AKT2: variants seen among roughly 807,000 people sequenced by gnomAD.
AKT2 encodes the protein AKT serine/threonine kinase 2.
Under a neutral mutation model 58.6 loss-of-function variants are expected in AKT2, and 16 were observed. The ratio of observed to expected loss-of-function variants is 0.27; its 90% CI spans 0.18 to 0.41. The LOEUF is 0.41. AKT2 is among the 10% of genes least tolerant of loss of function. The pLI, the probability that AKT2 is intolerant of heterozygous loss-of-function variation, is 1.00. For missense variants in AKT2, 438 were observed against 661.0 expected (o/e 0.66, Z 3.70); for synonymous variants, 253 against 254.0 (o/e 1.00, Z 0.04).
chr19:40,264,050 G>A (rs905073217), intron 2 of AKT2, among the ~76,000 whole-genome samples: 5 of 152,068 alleles, frequency 3.3e-5, no homozygotes, highest in East Asian at 3.9e-4. Flanking sequence ...CCCTGTCAGC[G>A]CCCAAGATAC....
At position 40,271,135 on chromosome 19, in the gene AKT2, T is replaced by C. The variant is rs142104695; in HGVS notation, c.-84-5784A>G. On this transcript the variant is annotated intron_variant, in intron 1 of 13. Transcript: ENST00000392038. ...CAAGAGGATCCTCTGAACCCAGGAG[T>C]TTGAGACCAGCCTGAGCAACATGGT... Among the ~76,000 whole-genome samples, 1,376 of 147,744 alleles carry C rather than the reference T, an allele frequency of 9.3e-3. 22 individuals are homozygous for C. The highest frequency in any genetic ancestry group is 0.015 in the Non-Finnish European group (989 of 66,910).
At chr19:40,280,998 G>C (rs1184722717) in intron 1 of AKT2, among the ~76,000 whole-genome samples, 1 of 152,206 alleles carries the variant, frequency 6.6e-6, no homozygotes, top group South Asian at 2.1e-4. Context: ...TGCAACGCTG[G>C]CACATACGAG....
intron 2 of AKT2, among the ~76,000 whole-genome samples, chr19:40,259,291 A>C (rs1290361678): frequency 6.7e-6 from 1 of 148,556 alleles, no homozygotes; most frequent in Non-Finnish European, 1.5e-5. Context: ...CCCATAGGCA[A>C]TGTGCCCAGA....
intron 2 of AKT2, among the ~76,000 whole-genome samples, chr19:40,261,635 C>T (rs1040883895): frequency 1.3e-5 from 2 of 151,944 alleles, no homozygotes; most frequent in Non-Finnish European, 2.9e-5. Flanking sequence ...CCCTGAATCT[C>T]GGACTTCCCT....
At chr19:40,250,409 G>C (rs113394595) in intron 4 of AKT2, among the ~76,000 whole-genome samples, 1 of 152,010 alleles carries the variant, frequency 6.6e-6, no homozygotes, top group African/African-American at 2.4e-5. Flanking sequence ...AGGCTGAGGC[G>C]TGAGAATCAC....
chr19:40,284,907 G>C, intron 1 of AKT2: 1 of 286,462 alleles, frequency 3.5e-6, no homozygotes, highest in South Asian at 1.7e-4. Context: ...TCCAGCCCCC[G>C]GCCCGCGCAC....
chr19:40,282,804 A>G (rs140646312), intron 1 of AKT2: 54 of 302,294 alleles, frequency 1.8e-4, no homozygotes, highest in African/African-American at 1.1e-3. Context: ...AATACCATAT[A>G]AAGCCCAAAG....
chr19:40,239,986 T>A (rs773575865), intron 7 of AKT2, 59 bp downstream of exon 7: 27 of 1,574,316 alleles, frequency 1.7e-5, no homozygotes, highest in Non-Finnish European at 2.3e-5. Flanking sequence ...TAGGGCTCTC[T>A]CTCTGAGCTC....
chr19:40,242,055 G>A lies in AKT2; in HGVS notation c.456C>T (p.Phe152=), dbSNP rs748740340. The change falls in exon 6 of 14, where the codon TTC becomes TTT. Residue 152 remains phenylalanine (F), a synonymous_variant. Transcript: ENST00000392038. The surrounding 1 kb of genome is among the most constrained non-coding windows in gnomAD (Gnocchi z 4.3). ...CCTTGCCAAGGAGTTTGAGATAGTC[G>A]AAGTCATTCATGGTCTGCCAGGGAC... ...KARAKVTMND[F]DYLKLLGKGT... The A allele has an allele frequency of 1.1e-5, 17 of 1,614,124 alleles. No individual in the cohort carries two copies. The highest frequency in any genetic ancestry group is 4.5e-5 in the East Asian group (2 of 44,902).
rs1195327908 is a variant in AKT2 at position 40,242,287 on chromosome 19, G to A, written c.442-218C>T. 2 of 853,238 alleles carry A rather than the reference G, an allele frequency of 2.3e-6. No homozygotes were observed. Among genetic ancestry groups the A allele is most frequent in the Admixed American group, 2.2e-5 (1 of 44,520 alleles). 52.9% of individuals were successfully genotyped at this position (853,238 alleles called of 1,614,324 possible). A position where few individuals can be genotyped will look rare whatever the true frequency, so the allele number is the denominator to read the frequency against. On this transcript the variant is annotated intron_variant, in intron 5 of 13. Transcript: ENST00000392038. This position sits in a 1 kb window ranked among gnomAD's most constrained non-coding sequence, Gnocchi z 4.3. Reference sequence around the variant, plus strand: ...CTTGGGAGGGCTGGGCTCTGACGTGGGGGTAGCCAGGTCTTCACCAACTCC... The same window carrying A: ...CTTGGGAGGGCTGGGCTCTGACGTGAGGGTAGCCAGGTCTTCACCAACTCC...
At chr19:40,283,406 G>A (rs1433034565) in intron 1 of AKT2, among the ~76,000 whole-genome samples, 3 of 152,216 alleles carry the variant, frequency 2.0e-5, no homozygotes, top group African/African-American at 4.8e-5. Context: ...ACCCCTAGTG[G>A]AGAAAGATTC....
At chr19:40,276,345 C>CTTT (rs748551877) in intron 1 of AKT2, among the ~76,000 whole-genome samples, 2 of 58,510 alleles carry the variant, frequency 3.4e-5, no homozygotes, top group African/African-American at 1.2e-4. Context: ...AAAATGGAAT[C>CTTT]TTTTTTTTTT....
At chr19:40,268,790 G>C (rs549970453) in intron 1 of AKT2, 2 of 152,294 alleles carry the variant, frequency 1.3e-5, no homozygotes, top group African/African-American at 2.4e-5. Context: ...TGTCCGTGAC[G>C]CAGTCCTGTG....
At position 40,242,235 on chromosome 19, in the gene AKT2, T is replaced by G; in HGVS notation, c.442-166A>C. ...GCAACTGTGTGTTCTGAAGCGGCCT[T>G]CAGACCAGGCTCTGCAGGCACAGGG... On this transcript the variant is annotated intron_variant, in intron 5 of 13. Coordinates refer to ENST00000392038, the MANE Select transcript of AKT2 (RefSeq NM_001626.6). This position sits in a 1 kb window ranked among gnomAD's most constrained non-coding sequence, Gnocchi z 4.3. 9.3e-7 allele frequency: 1 copy of G among 1,073,560 alleles called. No individual in the cohort carries two copies. The highest frequency in any genetic ancestry group is 1.4e-6 in the Non-Finnish European group (1 of 729,306). 66.5% of individuals were successfully genotyped at this position (1,073,560 alleles called of 1,614,324 possible).
In AKT2 at chr19:40,238,068, C is replaced by T. The variant is rs1974142864; in HGVS notation, c.732G>A (p.Glu244=). Residue 244 remains glutamate (E), a synonymous_variant, in exon 9 of 14, where the codon GAG becomes GAA. Coordinates refer to ENST00000392038, the MANE Select transcript of AKT2 (RefSeq NM_001626.6). This position sits in a 1 kb window ranked among gnomAD's most constrained non-coding sequence, Gnocchi z 5.1. The part of the protein sequence containing the change: ...GGELFFHLSR[E]RVFTEERARF... ...GGGCCCGCTCCTCTGTGAAGACACG[C>T]TCCCGGGACAGGTGGAAGAACAGCT... 2 of 1,603,528 alleles carry T rather than the reference C, an allele frequency of 1.2e-6. No homozygotes were observed. The highest frequency in any genetic ancestry group is 1.7e-6 in the Non-Finnish European group (2 of 1,175,238).
intron 2 of AKT2, among the ~76,000 whole-genome samples, chr19:40,258,152 G>A (rs757228945): frequency 2.3e-4 from 35 of 151,292 alleles, no homozygotes; most frequent in Non-Finnish European, 4.7e-4. Context: ...GGCTGAGGCA[G>A]GAGACTCCTT....
intron 4 of AKT2, among the ~76,000 whole-genome samples, chr19:40,246,252 G>A (rs564275749): frequency 6.6e-6 from 1 of 152,184 alleles, no homozygotes; most frequent in East Asian, 1.9e-4. Flanking sequence ...TCCTGCCTCA[G>A]CCTCCAGAGT....
chr19:40,236,475 C>T (rs1974034502), intron 9 of AKT2, 90 bp from the exon 10 acceptor site: 1 of 1,570,146 alleles, frequency 6.4e-7, no homozygotes, highest in Admixed American at 1.7e-5. Flanking sequence ...GCCCGGGGCT[C>T]CTGGACATCA....
Position 40,235,727 on chromosome 19 carries a change from G to C in AKT2, c.1175+163C>G, listed in dbSNP as rs537282625. Among the ~76,000 whole-genome samples, 5 of 152,300 alleles carry C rather than the reference G, an allele frequency of 3.3e-5. No individual in the cohort carries two copies. Among genetic ancestry groups the C allele is most frequent in the Admixed American group, 2.6e-4 (4 of 15,306 alleles). On this transcript the variant is annotated intron_variant, in intron 11 of 13. Coordinates refer to ENST00000392038, the MANE Select transcript of AKT2 (RefSeq NM_001626.6). The surrounding 1 kb of genome is among the most constrained non-coding windows in gnomAD (Gnocchi z 6.3). ...TGTCAAGGATGGGCCTGCCCTGGGG[G>C]AAGCACTCCCTAAGTGCCACTGTGG...
Sources: gnomAD v4.1 joint callset for allele counts (sites outside exome capture counted in the v4.1 genomes callset) on GRCh38, gnomAD v4.1.1 for gene constraint, Gnocchi (gnomAD v3.1) non-coding constraint, MANE v1.5 for transcripts, NCBI Gene and HGNC (gene_info 2026-07-23, HGNC 2026-07-21) for gene names.